PCDH11X: variants seen among roughly 807,000 people sequenced by gnomAD.
PCDH11X encodes the protein protocadherin 11 X-linked, also known as protocadherin-11 X-linked.
Under a neutral mutation model 53.3 loss-of-function variants are expected in PCDH11X, and 18 were observed. The ratio of observed to expected loss-of-function variants is 0.34; its 90% CI spans 0.23 to 0.50. The LOEUF (loss-of-function observed/expected upper bound fraction) is 0.50, where lower values mean the gene tolerates loss of function less well. Ranked by LOEUF, PCDH11X falls within the 20% of genes least tolerant of loss-of-function variation. The pLI, the probability that PCDH11X is intolerant of heterozygous loss-of-function variation, is 0.98. For synonymous variants in PCDH11X, 279 were observed against 393.3 expected (o/e 0.71, Z 3.44); for missense variants, 570 against 1,032.4 (o/e 0.55, Z 6.14).
chrX:91,966,152 A>ATTTT (rs202233727), intron 6 of PCDH11X, among the ~76,000 whole-genome samples: 1,650 of 102,120 alleles, frequency 0.016, 36 homozygotes, highest in African/African-American at 0.056. Flanking sequence ...CAGTTCTTTG[A>ATTTT]TTTTTTTTTT....
rs6618955 is a variant in PCDH11X at position 92,306,769 on chromosome X, G to A, written c.3144+43626G>A. Among the ~76,000 whole-genome samples, 545 of 110,931 alleles carry A rather than the reference G, an allele frequency of 4.9e-3. 19 individuals carry two copies. In the East Asian group the frequency reaches 0.12, roughly 25 times the overall value. On this transcript the variant is annotated intron_variant, in intron 8 of 10. Transcript: ENST00000682573. ...AGCCTGGCCACCATGGTGAAACCCC[G>A]TCTCTACTAAAAATACACACACACA...
At chrX:92,285,262 T>A (rs1056296866) in intron 8 of PCDH11X, among the ~76,000 whole-genome samples, 3 of 94,785 alleles carry the variant, frequency 3.2e-5, no homozygotes, top group African/African-American at 1.1e-4. Context: ...TTTTTTTTTT[T>A]TTTTTTTTGA....
chrX:92,526,672 C>T (rs961489270), intron 10 of PCDH11X, among the ~76,000 whole-genome samples: 5 of 107,555 alleles, frequency 4.6e-5, no homozygotes, highest in South Asian at 4.2e-4. Flanking sequence ...ACCCTAGTAC[C>T]GTGTTGGTGG....
At chrX:92,375,316 C>G (rs1416739388) in intron 8 of PCDH11X, among the ~76,000 whole-genome samples, 1 of 96,860 alleles carries the variant, frequency 1.0e-5, no homozygotes, top group African/African-American at 3.8e-5. Context: ...GCTAGGACTA[C>G]AGGTACCCAC....
At chrX:91,811,590 G>T (rs1383235967) in intron 4 of PCDH11X, among the ~76,000 whole-genome samples, 2 of 110,764 alleles carry the variant, frequency 1.8e-5, no homozygotes, top group Non-Finnish European at 3.8e-5. Context: ...TGTTGTCCGT[G>T]GATTGACAAT....
chrX:91,988,602 T>C lies in PCDH11X; in HGVS notation c.3033+109329T>C, dbSNP rs1252218665. Among the ~76,000 whole-genome samples, 5 of 113,283 alleles carry C rather than the reference T, an allele frequency of 4.4e-5. 1 individual carries two copies. The highest frequency in any genetic ancestry group is 9.3e-5 in the Non-Finnish European group (5 of 53,478). On this transcript the variant is annotated intron_variant, in intron 6 of 10. Transcript: ENST00000682573. ...TTAATGGGAATCAATAATTCTCAAGTGGGCAGAAGTGTGTAGCTGATTATG... is the reference window on the plus strand; with the variant it reads ...TTAATGGGAATCAATAATTCTCAAGCGGGCAGAAGTGTGTAGCTGATTATG...
chrX:92,176,518 A>C, intron 6 of PCDH11X, among the ~76,000 whole-genome samples: 1 of 112,221 alleles, frequency 8.9e-6, no homozygotes, highest in East Asian at 2.8e-4. Context: ...AACATTTGTC[A>C]ATTTTATACG....
chrX:91,887,928 A>T (rs1218693762), intron 6 of PCDH11X, among the ~76,000 whole-genome samples: 1 of 111,793 alleles, frequency 8.9e-6, no homozygotes, highest in Non-Finnish European at 1.9e-5. Context: ...TCAAGTCTTG[A>T]TGAAAAAGCT....
At chrX:92,271,707 C>A (rs890767098) in intron 8 of PCDH11X, among the ~76,000 whole-genome samples, 1 of 112,216 alleles carries the variant, frequency 8.9e-6, no homozygotes, top group South Asian at 3.7e-4. Context: ...TTGTCTCTTA[C>A]AGTCATATTT....
At chrX:92,160,085 T>C (rs1438977794) in intron 6 of PCDH11X, among the ~76,000 whole-genome samples, 1 of 110,934 alleles carries the variant, frequency 9.0e-6, no homozygotes, top group African/African-American at 3.3e-5. Context: ...GGAATGGTTT[T>C]GTTTATTTTT....
chrX:92,520,205 T>G (rs1465023614), intron 10 of PCDH11X, among the ~76,000 whole-genome samples: 1 of 105,087 alleles, frequency 9.5e-6, no homozygotes, highest in Admixed American at 1.0e-4. Flanking sequence ...AGTGAAATAC[T>G]GATAAATACA....
At position 92,592,575 on chromosome X, in the gene PCDH11X, CA is replaced by C. The variant is rs756223247; in HGVS notation, c.3368-25683del. Among the ~76,000 whole-genome samples the C allele has an allele frequency of 3.3e-3, 361 of 108,794 alleles. 5 individuals are homozygous for C. The highest frequency in any genetic ancestry group is 0.011 in the African/African-American group (334 of 29,857). The allele number at this position is 108,794 out of a possible 115,157, so 94.5% of individuals were successfully genotyped here. ...TGAAACCCCATCTCTACTAAAAATA[CA>C]AAAAATTAGCAGGGCTTTGTGGCAT... is the stretch of plus-strand genomic sequence containing the variant. On this transcript the variant is annotated intron_variant, in intron 10 of 10. Coordinates refer to ENST00000682573, the MANE Select transcript of PCDH11X (RefSeq NM_032968.5).
Position 92,620,230 on chromosome X carries a change from C to T in PCDH11X, c.*1290C>T, listed in dbSNP as rs1928382613. ...CACACAGAACAAAAACCATCAAAAT[C>T]TCATATATGAAATAAAATATATTCT... On this transcript the variant is annotated 3_prime_UTR_variant, in exon 11 of 11. Coordinates refer to ENST00000682573, the MANE Select transcript of PCDH11X (RefSeq NM_032968.5). 9.0e-6 allele frequency: 1 copy of T among 111,043 alleles called. No homozygotes were observed. The highest frequency in any genetic ancestry group is 9.6e-5 in the Admixed American group (1 of 10,365). The allele number at this position is 111,043 out of a possible 1,213,427, so 9.2% of individuals were successfully genotyped here. A position where few individuals can be genotyped will look rare whatever the true frequency, so the allele number is the denominator to read the frequency against.
At chrX:92,214,708 T>A (rs1459191287) in intron 7 of PCDH11X, among the ~76,000 whole-genome samples, 2 of 110,817 alleles carry the variant, frequency 1.8e-5, no homozygotes, top group South Asian at 7.7e-4. Flanking sequence ...ATGGCCAAAC[T>A]AGCACGTTAA....
intron 6 of PCDH11X, among the ~76,000 whole-genome samples, chrX:92,122,706 G>A (rs1194126605): frequency 9.0e-6 from 1 of 111,275 alleles, no homozygotes; most frequent in African/African-American, 3.3e-5. Context: ...GTAGGCCGAG[G>A]CGAGTGGATC....
chrX:92,576,128 G>A (rs1470761366), intron 10 of PCDH11X, among the ~76,000 whole-genome samples: 1 of 101,107 alleles, frequency 9.9e-6, no homozygotes, highest in Non-Finnish European at 2.0e-5. Flanking sequence ...TGACCACTTC[G>A]TCATTATGCA....
intron 6 of PCDH11X, among the ~76,000 whole-genome samples, chrX:91,969,623 A>G (rs749468029): frequency 9.3e-6 from 1 of 107,825 alleles, no homozygotes; most frequent in South Asian, 4.2e-4. Flanking sequence ...ACATAGCGAG[A>G]CTCCTTCTCT....
chrX:92,597,286 G>A (rs1487527691), intron 10 of PCDH11X, among the ~76,000 whole-genome samples: 1 of 102,348 alleles, frequency 9.8e-6, no homozygotes, highest in African/African-American at 3.7e-5. Flanking sequence ...AAAAACTAAA[G>A]AGTGCAAAAA....
At chrX:91,884,686 T>A (rs1314150586) in intron 6 of PCDH11X, among the ~76,000 whole-genome samples, 5 of 104,915 alleles carry the variant, frequency 4.8e-5, no homozygotes, top group African/African-American at 2.1e-4. Context: ...TTATGCTATA[T>A]TCTTAAACTA....
Sources: gnomAD v4.1 joint callset for allele counts (sites outside exome capture counted in the v4.1 genomes callset) on GRCh38, gnomAD v4.1.1 for gene constraint, MANE v1.5 for transcripts, NCBI Gene and HGNC (gene_info 2026-07-23, HGNC 2026-07-21) for gene names.